The following TUSC3 variants were observed in gnomAD, a reference collection of about 807,000 sequenced individuals.
The protein encoded by TUSC3 is dolichyl-diphosphooligosaccharide--protein glycosyltransferase subunit TUSC3.
TUSC3 carries 45 observed loss-of-function variants against 44.8 expected under a neutral mutation model. The observed-to-expected ratio is 1.00, with a 90% CI of 0.79 to 1.29. TUSC3 has a LOEUF of 1.29. Ranked by LOEUF, TUSC3 falls within the 50% of genes most tolerant of loss-of-function variation. The pLI, the probability that TUSC3 is intolerant of heterozygous loss-of-function variation, is 0.00. For missense variants in TUSC3, 519 were observed against 437.9 expected, an observed-to-expected ratio of 1.19 and a Z score of -1.65; for synonymous variants, 212 against 152.9, an observed-to-expected ratio of 1.39 and a Z score of -2.85.
chr8:15,662,359 A>T, intron 5 of TUSC3, 63 bp downstream of exon 5: 1 of 1,596,676 alleles, frequency 6.3e-7, no homozygotes, highest in Non-Finnish European at 8.6e-7. Context: ...AAGTTGTATA[A>T]TATTAACAAA....
intron 2 of TUSC3, among the ~76,000 whole-genome samples, chr8:15,650,299 GAATATTT>G (rs1806832617): frequency 6.6e-6 from 1 of 152,070 alleles, no homozygotes; most frequent in Admixed American, 6.6e-5. Flanking sequence ...AACATTATTG[GAATATTT>G]AATTTATGTG....
intron 1 of TUSC3, among the ~76,000 whole-genome samples, chr8:15,546,789 C>T (rs2129134864): frequency 6.6e-6 from 1 of 151,726 alleles, no homozygotes; most frequent in East Asian, 2.0e-4. Flanking sequence ...CCCGTCTCGG[C>T]CTCCCCAAAG....
At chr8:15,639,246 T>C (rs1028968168) in intron 2 of TUSC3, among the ~76,000 whole-genome samples, 21 of 151,598 alleles carry the variant, frequency 1.4e-4, no homozygotes, top group Admixed American at 7.9e-4. Context: ...AGCGCTTCAG[T>C]GATGATCATG....
At chr8:15,613,950 T>C (rs1804874008) in intron 1 of TUSC3, among the ~76,000 whole-genome samples, 1 of 151,912 alleles carries the variant, frequency 6.6e-6, no homozygotes, top group East Asian at 1.9e-4. Context: ...GATTCACTCA[T>C]TTTCCCTGTG....
At chr8:15,485,469 T>TG (rs1554505998) in intron 2 of TUSC3, among the ~76,000 whole-genome samples, 1 of 143,298 alleles carries the variant, frequency 7.0e-6, no homozygotes. Context: ...GTTGTCTTTT[T>TG]TTTTTTGTTT....
chr8:15,428,562 C>T (rs1157103424), intron 1 of TUSC3, among the ~76,000 whole-genome samples: 3 of 152,140 alleles, frequency 2.0e-5, no homozygotes, highest in African/African-American at 7.2e-5. Context: ...TCCACAATGG[C>T]TGAACTAGTT....
chr8:15,547,384 G>C (rs1312574873), intron 1 of TUSC3, among the ~76,000 whole-genome samples: 1 of 151,482 alleles, frequency 6.6e-6, no homozygotes, highest in East Asian at 2.0e-4. Context: ...TTAGTTTCTA[G>C]GAGTTTTACA....
intron 1 of TUSC3, among the ~76,000 whole-genome samples, chr8:15,468,758 A>C (rs180954397): frequency 8.5e-5 from 13 of 152,284 alleles, no homozygotes; most frequent in Admixed American, 4.6e-4. Context: ...TTTATATTAG[A>C]AGTGATGCTT....
At chr8:15,842,013 T>C in the TUSC3 span, among the ~76,000 whole-genome samples, 3 of 152,216 alleles carry the variant, frequency 2.0e-5, no homozygotes, top group African/African-American at 4.8e-5. Context: ...ACCTATATAA[T>C]GGCAATTTTA....
chr8:15,492,982 C>A (rs539883373), intron 2 of TUSC3, among the ~76,000 whole-genome samples: 1 of 151,936 alleles, frequency 6.6e-6, no homozygotes, highest in East Asian at 1.9e-4. Flanking sequence ...AGAGAAAGAC[C>A]CTGTCTCAAC....
intron 1 of TUSC3, among the ~76,000 whole-genome samples, chr8:15,591,280 AG>A (rs1803828243): frequency 6.6e-6 from 1 of 152,098 alleles, no homozygotes; most frequent in African/African-American, 2.4e-5. Flanking sequence ...CAATTTTTAA[AG>A]GTTTGGATAA....
At chr8:15,739,743 T>A (rs1003619493) in intron 7 of TUSC3, among the ~76,000 whole-genome samples, 4 of 152,214 alleles carry the variant, frequency 2.6e-5, no homozygotes, top group African/African-American at 9.6e-5. Context: ...CTAAAGATAT[T>A]TCATGCTGAA....
rs1563254917 is a variant in TUSC3, at chr8:15,454,284, CT to C, written n.92-29100del. The stretch of plus-strand genomic sequence containing the variant: ...ACTCCATTTTATTCCTGATCTAAAG[CT>C]TCTTAATAAACTTTCACTCCTACTG... On this transcript the variant is annotated intron_variant and non_coding_transcript_variant, in intron 1 of 5. Coordinates refer to the TUSC3 transcript ENST00000503191. Among the ~76,000 whole-genome samples, 3 of 152,184 alleles carry C rather than the reference CT, an allele frequency of 2.0e-5. No homozygotes were observed. In the East Asian group the frequency reaches 5.8e-4, roughly 29 times the overall value.
chr8:15,841,894 C>T, the TUSC3 span, among the ~76,000 whole-genome samples: 1 of 152,138 alleles, frequency 6.6e-6, no homozygotes, highest in Non-Finnish European at 1.5e-5. Context: ...TAAATACAAG[C>T]CATATATACC....
intron 2 of TUSC3, among the ~76,000 whole-genome samples, chr8:15,498,485 C>T (rs1480816318): frequency 6.6e-6 from 1 of 152,192 alleles, no homozygotes; most frequent in Non-Finnish European, 1.5e-5. Context: ...TGAAAATGAC[C>T]TTCAGGTGAG....
intron 1 of TUSC3, among the ~76,000 whole-genome samples, chr8:15,555,379 C>G (rs1802223052): frequency 7.2e-6 from 1 of 139,184 alleles, no homozygotes; most frequent in South Asian, 2.4e-4. Flanking sequence ...TCACTGTGGC[C>G]TTGACCTCCT....
chr8:15,526,460 T>G (rs965980206), intron 2 of TUSC3, among the ~76,000 whole-genome samples: 23 of 152,268 alleles, frequency 1.5e-4, no homozygotes, highest in African/African-American at 5.1e-4. Context: ...GCTCCAACAA[T>G]TCCCACACAT....
intron 3 of TUSC3, among the ~76,000 whole-genome samples, chr8:15,656,878 A>G (rs538379321): frequency 6.6e-6 from 1 of 152,334 alleles, no homozygotes; most frequent in South Asian, 2.1e-4. Context: ...GTGCAGAGCT[A>G]GTGCCCAGAA....
At chr8:15,750,272 C>T (rs2129218971) in intron 9 of TUSC3, among the ~76,000 whole-genome samples, 2 of 152,118 alleles carry the variant, frequency 1.3e-5, no homozygotes, top group Admixed American at 1.3e-4. Flanking sequence ...AGCCACCACG[C>T]CCAGCTGAGA....
Sources: allele counts gnomAD v4.1 joint callset (sites outside exome capture counted in the v4.1 genomes callset), GRCh38; gene constraint gnomAD v4.1.1; transcripts MANE v1.5; gene names NCBI Gene and HGNC (gene_info 2026-07-23, HGNC 2026-07-21).